TPCN2: variants seen among roughly 807,000 people sequenced by gnomAD.
TPCN2 encodes the protein two pore segment channel 2.
In TPCN2, 92 loss-of-function variants were observed where a neutral mutation model predicts 111.4. The observed-to-expected ratio is 0.83, with a 90% CI of 0.70 to 0.98. TPCN2 has a LOEUF of 0.98. TPCN2 is among the 50% of genes least tolerant of loss of function. The pLI, the probability that TPCN2 is intolerant of heterozygous loss-of-function variation, is 0.00. For missense variants in TPCN2, 995 were observed against 980.1 expected (o/e 1.02, Z -0.20); for synonymous variants, 405 against 414.5 (o/e 0.98, Z 0.28).
Position 69,054,073 on chromosome 11 carries a change from G to A in TPCN2, c.150G>A (p.Val50=). ...GGGACCTCTGCATTGATCAGGCTGT[G>A]GTCTTCATCGAAGATGCTATTCAGG... ...ARWDLCIDQA[V]VFIEDAIQYR... is the part of the protein sequence containing the mutation. Residue 50 remains valine, a synonymous_variant, in exon 2 of 25, where the codon GTG becomes GTA. Transcript: ENST00000294309. 1 of 1,613,786 alleles carries A rather than the reference G, an allele frequency of 6.2e-7. No individual in the cohort carries two copies. Among genetic ancestry groups the A allele is most frequent in the Non-Finnish European group, 8.5e-7 (1 of 1,179,984 alleles).
chr11:69,064,818 C>T (rs1855191893), intron 7 of TPCN2, among the ~76,000 whole-genome samples: 1 of 152,120 alleles, frequency 6.6e-6, no homozygotes. Context: ...TGTGTGGAGT[C>T]TGCATGTCTG....
rs368922472 is a variant in TPCN2 at position 69,078,921 on chromosome 11, C to T, written c.1440C>T (p.Tyr480=). The part of the protein sequence containing the change: ...GILNCVFIVY[Y]LLEMLLKVFA... ...TCAACTGCGTCTTCATTGTGTACTA[C>T]CTGTTGGAGATGCTGCTCAAGGTCT... Residue 480 remains tyrosine, a synonymous_variant, in exon 16 of 25, where the codon TAC becomes TAT. Transcript: ENST00000294309. 4 of 1,614,104 alleles carry T rather than the reference C, an allele frequency of 2.5e-6. No individual in the cohort carries two copies. Among genetic ancestry groups the T allele is most frequent in the Non-Finnish European group, 3.4e-6 (4 of 1,179,996 alleles).
intron 12 of TPCN2, 99 bp from the exon 13 acceptor site, chr11:69,072,816 T>A (rs992557768): frequency 9.2e-6 from 14 of 1,524,678 alleles, no homozygotes; most frequent in African/African-American, 4.1e-5. Context: ...CCTGCAGCAT[T>A]CACAGCCCGT....
At position 69,085,660 on chromosome 11, in the gene TPCN2, G is replaced by T. The variant is rs1856242035; in HGVS notation, c.1839-11G>T. 1.3e-6 allele frequency: 2 copies of T among 1,586,492 alleles called. No homozygotes were observed. The highest frequency in any genetic ancestry group is 1.7e-6 in the Non-Finnish European group (2 of 1,155,500). The stretch of plus-strand genomic sequence containing the variant: ...CCCCCGCCCCTGACCCAGGTGTGTT[G>T]TGTTCCCCAGCCTGGCCCCTGCCAA... On this transcript the variant is annotated splice_polypyrimidine_tract_variant and intron_variant, in intron 20 of 24. Coordinates refer to ENST00000294309, the MANE Select transcript of TPCN2 (RefSeq NM_139075.4).
intron 7 of TPCN2, 85 bp downstream of exon 7, chr11:69,064,052 T>C (rs1391158850): frequency 3.0e-6 from 4 of 1,332,296 alleles, no homozygotes; most frequent in Non-Finnish European, 4.3e-6. Context: ...TCTGCTGCCC[T>C]GGCCTAACCC....
intron 22 of TPCN2, 35 bp downstream of exon 22, chr11:69,085,965 C>T (rs370104476): frequency 1.6e-4 from 250 of 1,594,220 alleles, no homozygotes; most frequent in Non-Finnish European, 2.0e-4. Context: ...AGTGATTCTC[C>T]GTGCAGCCTG....
chr11:69,061,725 G>A (rs554668684), intron 5 of TPCN2, among the ~76,000 whole-genome samples: 36 of 152,208 alleles, frequency 2.4e-4, no homozygotes, highest in African/African-American at 8.2e-4. Flanking sequence ...GAGCAGGGGA[G>A]TGAATGGAGG....
chr11:69,086,561 C>T lies in TPCN2; in HGVS notation c.2042C>T (p.Ser681Leu), dbSNP rs78034812. ...TATTTTGTATTGTGGTGGCTGGTGT[C>T]GTCTGTCATCTGGGTCAACCTGTTT... ...KIYFVLWWLV[S>L]SVIWVNLFLA... The change falls in exon 23 of 25, where the codon TCG becomes TTG. Residue 681 changes from serine (S) to leucine (L), a missense_variant. Ser to Leu is a moderately radical substitution (Grantham distance 145). Transcript: ENST00000294309. 5.2e-3 allele frequency: 8,395 copies of T among 1,614,054 alleles called. 111 individuals carry two copies. In the East Asian group the frequency reaches 0.055, roughly 11 times the overall value.
chr11:69,078,247 G>C (rs1034677477), intron 13 of TPCN2, among the ~76,000 whole-genome samples: 1 of 151,900 alleles, frequency 6.6e-6, no homozygotes, highest in African/African-American at 2.4e-5. Context: ...TACAGCCTCA[G>C]TGGATGTTTC....
intron 18 of TPCN2, among the ~76,000 whole-genome samples, chr11:69,083,681 C>T (rs751996057): frequency 2.0e-5 from 3 of 151,858 alleles, no homozygotes; most frequent in African/African-American, 4.8e-5. Context: ...GTGCGGGTGG[C>T]GATGCAAGCG....
At chr11:69,057,759 C>G (rs550711914) in intron 5 of TPCN2, 65 bp downstream of exon 5, 1 of 1,475,778 alleles carries the variant, frequency 6.8e-7, no homozygotes, top group Non-Finnish European at 9.5e-7. Flanking sequence ...GCAAGGCCCA[C>G]GGGGGTGCTG....
chr11:69,066,346 C>T (rs1323780922), intron 7 of TPCN2, among the ~76,000 whole-genome samples: 1 of 152,154 alleles, frequency 6.6e-6, no homozygotes, highest in African/African-American at 2.4e-5. Context: ...AGGGGCCCGC[C>T]TAGCTCTCCC....
chr11:69,065,256 G>A (rs1855220591), intron 7 of TPCN2, among the ~76,000 whole-genome samples: 1 of 152,202 alleles, frequency 6.6e-6, no homozygotes, highest in Non-Finnish European at 1.5e-5. Flanking sequence ...TGACCGTCCA[G>A]TGACCCCTGC....
At chr11:69,071,700 C>T (rs530169798) in intron 10 of TPCN2, among the ~76,000 whole-genome samples, 13 of 152,268 alleles carry the variant, frequency 8.5e-5, no homozygotes, top group East Asian at 7.7e-4. Context: ...CAGCATATTG[C>T]GCAGCACGCC....
chr11:69,084,018 T>C lies in TPCN2; in HGVS notation c.1761+2T>C. 5 of 1,613,984 alleles carry C rather than the reference T, an allele frequency of 3.1e-6. No homozygotes were observed. Among genetic ancestry groups the C allele is most frequent in the Non-Finnish European group, 3.4e-6 (4 of 1,179,948 alleles). Reference sequence around the variant, plus strand: ...CGTGCGTTTGGCGGGATCCTGGTGGTGAGTCCCAGGCTGCTGCTGGTGGCG... The same window carrying C: ...CGTGCGTTTGGCGGGATCCTGGTGGCGAGTCCCAGGCTGCTGCTGGTGGCG... On this transcript the variant is annotated splice_donor_variant, in intron 19 of 24. Coordinates refer to ENST00000294309, the MANE Select transcript of TPCN2 (RefSeq NM_139075.4). LOFTEE classifies it high-confidence loss of function.
chr11:69,068,086 C>T (rs1396620500), intron 8 of TPCN2, among the ~76,000 whole-genome samples: 1 of 152,212 alleles, frequency 6.6e-6, no homozygotes, highest in Non-Finnish European at 1.5e-5. Context: ...TCTTACTGGC[C>T]ACGACGCTCA....
chr11:69,073,026 G>C, intron 13 of TPCN2, 25 bp downstream of exon 13: 1 of 1,570,952 alleles, frequency 6.4e-7, no homozygotes, highest in Non-Finnish European at 8.8e-7. Flanking sequence ...AGCCGCCCAG[G>C]GTGGATAGTG....
rs1855886902 is a variant in TPCN2 at position 69,078,614 on chromosome 11, T to C, written c.1350+13T>C. On this transcript the variant is annotated intron_variant, in intron 14 of 24. Coordinates refer to ENST00000294309, the MANE Select transcript of TPCN2 (RefSeq NM_139075.4). ...GGTGTCCATTTGCGTGAGTGTGGAT[T>C]TGCCCCAGAGCTGGCACGGAAGTGC... 6.2e-7 allele frequency: 1 copy of C among 1,613,938 alleles called. No individual in the cohort carries two copies. The highest frequency in any genetic ancestry group is 1.3e-5 in the African/African-American group (1 of 75,058).
At chr11:69,072,807 C>A (rs1220447573) in intron 12 of TPCN2, 99 bp downstream of exon 12, 2 of 1,540,468 alleles carry the variant, frequency 1.3e-6, no homozygotes, top group Admixed American at 3.4e-5. Context: ...TTCAGGTCAC[C>A]TGCAGCATTC....
Sources: allele counts gnomAD v4.1 joint callset (sites outside exome capture counted in the v4.1 genomes callset), GRCh38; gene constraint gnomAD v4.1.1; transcripts MANE v1.5; gene names NCBI Gene and HGNC (gene_info 2026-07-23, HGNC 2026-07-21).